SPAG16: variants seen among roughly 807,000 people sequenced by gnomAD.
SPAG16 encodes sperm-associated antigen 16 protein.
Under a neutral mutation model 80.4 loss-of-function variants are expected in SPAG16, and 86 were observed. The observed-to-expected ratio is 1.07, with a 90% confidence interval of 0.90 to 1.28. The LOEUF is 1.28. Among genes scored for constraint, SPAG16 ranks in the 50% most tolerant of loss-of-function variants. The pLI, the probability that SPAG16 is intolerant of heterozygous loss-of-function variation, is 0.00. For synonymous variants in SPAG16, 294 were observed against 265.9 expected, an observed-to-expected ratio of 1.11 and a Z score of -1.03; for missense variants, 870 against 765.3, an observed-to-expected ratio of 1.14 and a Z score of -1.61.
chr2:213,953,465 T>A (rs1181667993), intron 12 of SPAG16, among the ~76,000 whole-genome samples: 1 of 151,754 alleles, frequency 6.6e-6, no homozygotes, highest in Non-Finnish European at 1.5e-5. Context: ...AACATTTAGG[T>A]CTTGGAACAC....
At chr2:213,404,280 A>C (rs1430038377) in intron 9 of SPAG16, among the ~76,000 whole-genome samples, 1 of 152,224 alleles carries the variant, frequency 6.6e-6, no homozygotes, top group Non-Finnish European at 1.5e-5. Context: ...ACAAAGCTGG[A>C]GGCATCACTC....
chr2:214,340,658 C>T (rs1286399205), intron 15 of SPAG16, among the ~76,000 whole-genome samples: 1 of 152,172 alleles, frequency 6.6e-6, no homozygotes, highest in East Asian at 1.9e-4. Context: ...CTTCAGATAA[C>T]ACATATTTAC....
At position 214,410,226 on chromosome 2, in the gene SPAG16, G is replaced by A. The variant is rs775849221; in HGVS notation, c.1807G>A (p.Glu603Lys). The A allele has an allele frequency of 5.0e-6, 8 of 1,613,506 alleles. No homozygotes were observed. The highest frequency in any genetic ancestry group is 1.7e-5 in the Admixed American group (1 of 59,974). Residue 603 changes from glutamate to lysine, a missense_variant, in exon 16 of 16, where the codon GAA (glutamate) becomes AAA (lysine). Transcript: ENST00000331683. Reference sequence around the variant, plus strand: ...GGAGATTCACAAATTGATGGGCCACGAAAACGAGGCACACACGGTTGTGTT... The same window carrying A: ...GGAGATTCACAAATTGATGGGCCACAAAAACGAGGCACACACGGTTGTGTT... ...SGEIHKLMGH[E>K]NEAHTVVFSH... is the part of the protein sequence containing the mutation.
At chr2:213,702,486 C>G (rs1387690510) in intron 10 of SPAG16, among the ~76,000 whole-genome samples, 1 of 152,210 alleles carries the variant, frequency 6.6e-6, no homozygotes, top group Non-Finnish European at 1.5e-5. Context: ...AAGGAACAAA[C>G]AACTCCAGCC....
In SPAG16 at chr2:213,484,472, T is replaced by A. The variant is rs1352890544; in HGVS notation, c.943-5491T>A. On this transcript the variant is annotated intron_variant, in intron 9 of 15. Transcript: ENST00000331683. ...CCTAGGTAGTGATGTGTGAAGTTTG[T>A]CAGCGGGTAATGGGCCATTTGAGTG... is the stretch of plus-strand genomic sequence containing the variant. Among the ~76,000 whole-genome samples, 4 of 152,280 alleles carry A rather than the reference T, an allele frequency of 2.6e-5. No individual in the cohort carries two copies. The East Asian group carries it at 7.7e-4, about 29-fold the overall frequency.
chr2:214,284,463 A>G (rs2125918660), intron 15 of SPAG16, among the ~76,000 whole-genome samples: 1 of 152,296 alleles, frequency 6.6e-6, no homozygotes, highest in South Asian at 2.1e-4. Flanking sequence ...TAAATATTAT[A>G]ATATACACCC....
intron 12 of SPAG16, among the ~76,000 whole-genome samples, chr2:213,941,069 T>A (rs1295764789): frequency 2.6e-5 from 4 of 152,168 alleles, no homozygotes; most frequent in African/African-American, 9.7e-5. Context: ...ATTAACAGCC[T>A]TATTTATGTG....
chr2:213,768,746 C>A (rs2069085163), intron 10 of SPAG16, among the ~76,000 whole-genome samples: 1 of 152,084 alleles, frequency 6.6e-6, no homozygotes, highest in Non-Finnish European at 1.5e-5. Context: ...GGAGAAAGAT[C>A]TGAGTTGTGG....
At chr2:214,394,785 T>A (rs1393821956) in intron 15 of SPAG16, among the ~76,000 whole-genome samples, 1 of 152,134 alleles carries the variant, frequency 6.6e-6, no homozygotes, top group African/African-American at 2.4e-5. Context: ...GACAAACGTA[T>A]AATGACGTAT....
intron 9 of SPAG16, among the ~76,000 whole-genome samples, chr2:213,387,429 C>CTTTTTTTTTTTTTTTTTTTTTTTTTTT (rs1491308938): frequency 1.4e-5 from 1 of 71,760 alleles, no homozygotes. Flanking sequence ...GAAATGCATG[C>CTTTTTTTTTTTTTTTTTTTTTTTTTTT]TCTTTTTTTT....
At chr2:213,593,692 T>C (rs2060783375) in intron 10 of SPAG16, among the ~76,000 whole-genome samples, 1 of 146,810 alleles carries the variant, frequency 6.8e-6, no homozygotes, top group South Asian at 2.2e-4. Flanking sequence ...TATTTAATAA[T>C]GGTTAACTGG....
At chr2:213,821,006 A>T (rs544358249) in intron 10 of SPAG16, among the ~76,000 whole-genome samples, 1 of 152,258 alleles carries the variant, frequency 6.6e-6, no homozygotes, top group Non-Finnish European at 1.5e-5. Context: ...ATATTTACTT[A>T]TCTTTTTTTC....
chr2:214,178,735 T>C (rs940709617), intron 15 of SPAG16, among the ~76,000 whole-genome samples: 2 of 151,382 alleles, frequency 1.3e-5, no homozygotes, highest in African/African-American at 4.8e-5. Flanking sequence ...GTAATATTTC[T>C]AATTTCTATT....
At chr2:213,857,525 C>T (rs1275146800) in intron 10 of SPAG16, among the ~76,000 whole-genome samples, 4 of 151,742 alleles carry the variant, frequency 2.6e-5, no homozygotes, top group Non-Finnish European at 5.9e-5. Context: ...AATGAATATT[C>T]TAAGCCCACC....
At chr2:214,186,731 C>T (rs2057490306) in intron 15 of SPAG16, among the ~76,000 whole-genome samples, 2 of 151,916 alleles carry the variant, frequency 1.3e-5, no homozygotes, top group Non-Finnish European at 1.5e-5. Context: ...AATACAGAAA[C>T]ATGCAATATG....
intron 15 of SPAG16, among the ~76,000 whole-genome samples, chr2:214,378,008 A>G (rs1250542427): frequency 1.3e-5 from 2 of 152,208 alleles, no homozygotes; most frequent in Non-Finnish European, 2.9e-5. Context: ...GGGAGGCAAC[A>G]GTATCAGAGC....
At chr2:214,297,964 C>A (rs1056603089) in intron 15 of SPAG16, among the ~76,000 whole-genome samples, 1 of 150,864 alleles carries the variant, frequency 6.6e-6, no homozygotes, top group Non-Finnish European at 1.5e-5. Flanking sequence ...GTTTTCAGTT[C>A]CAAAAGCATG....
intron 10 of SPAG16, among the ~76,000 whole-genome samples, chr2:213,785,650 T>G (rs770111981): frequency 9.2e-5 from 14 of 152,198 alleles, no homozygotes; most frequent in Non-Finnish European, 1.6e-4. Context: ...TCCTTGGTCC[T>G]TTGAGTTAAC....
At chr2:213,464,207 T>C (rs1311027730) in intron 9 of SPAG16, among the ~76,000 whole-genome samples, 2 of 152,344 alleles carry the variant, frequency 1.3e-5, no homozygotes, top group East Asian at 3.9e-4. Context: ...TGTCCTTACG[T>C]CATTTCAAAG....
Sources: allele counts gnomAD v4.1 joint callset (sites outside exome capture counted in the v4.1 genomes callset), GRCh38; gene constraint gnomAD v4.1.1; transcripts MANE v1.5; gene names NCBI Gene and HGNC (gene_info 2026-07-23, HGNC 2026-07-21).